SPMIP8: variants seen among roughly 807,000 people sequenced by gnomAD.
SPMIP8 encodes the protein testicular tissue protein Li 196.
the SPMIP8 span, chr16:57,977,977 G>A: frequency 6.2e-7 from 1 of 1,614,054 alleles, no homozygotes; most frequent in East Asian, 2.2e-5. Context: ...CACATGGACA[G>A]GGACACCGTC....
the SPMIP8 span, among the ~76,000 whole-genome samples, chr16:57,979,661 C>T: frequency 1.3e-5 from 2 of 151,512 alleles, no homozygotes; most frequent in East Asian, 3.9e-4. Flanking sequence ...AGGTAACCAC[C>T]CCCCCACCAC....
At chr16:57,978,183 T>A in the SPMIP8 span, 1 of 850,820 alleles carries the variant, frequency 1.2e-6, no homozygotes, top group Non-Finnish European at 1.8e-6. Context: ...AGCCTCTGTT[T>A]ACTGCTCAGT....
the SPMIP8 span, chr16:57,985,243 GCCCGACGTGAC>G: frequency 6.4e-7 from 1 of 1,557,896 alleles, no homozygotes; most frequent in South Asian, 1.2e-5. Flanking sequence ...GGTACTTGAA[GCCCGACGTGAC>G]CCAGACCTGG....
chr16:57,979,418 G>A, the SPMIP8 span, among the ~76,000 whole-genome samples: 4 of 152,308 alleles, frequency 2.6e-5, no homozygotes, highest in South Asian at 6.2e-4. Flanking sequence ...CGGCAGCCAC[G>A]GGGTTCCCCA....
chr16:57,978,084 G>T, the SPMIP8 span: 5 of 1,569,362 alleles, frequency 3.2e-6, no homozygotes, highest in Non-Finnish European at 4.3e-6. Flanking sequence ...GGGGCAGATG[G>T]TTTCAGGAAA....
the SPMIP8 span, among the ~76,000 whole-genome samples, chr16:57,981,245 G>A: frequency 2.0e-5 from 3 of 151,384 alleles, no homozygotes; most frequent in Admixed American, 2.0e-4. Flanking sequence ...GCCAGGTGTG[G>A]TAGTGTGTGC....
the SPMIP8 span, chr16:57,984,230 G>A: frequency 6.6e-7 from 1 of 1,526,646 alleles, no homozygotes; most frequent in Non-Finnish European, 9.1e-7. Flanking sequence ...GTACAGTGTG[G>A]GCCAAAGTTC....
the SPMIP8 span, among the ~76,000 whole-genome samples, chr16:57,980,814 C>T: frequency 1.4e-3 from 215 of 152,314 alleles, no homozygotes; most frequent in African/African-American, 4.9e-3. Flanking sequence ...GCCACTTCAG[C>T]CTCCTGAGTA....
At chr16:57,977,128 C>A in the SPMIP8 span, among the ~76,000 whole-genome samples, 1 of 151,944 alleles carries the variant, frequency 6.6e-6, no homozygotes, top group Admixed American at 6.6e-5. Flanking sequence ...AGAATAGACT[C>A]GCCAGGCAAG....
the SPMIP8 span, chr16:57,984,518 C>T: frequency 6.6e-7 from 1 of 1,505,598 alleles, no homozygotes; most frequent in Non-Finnish European, 9.0e-7. Context: ...CTTCGGGCGC[C>T]CCCTCGGTCC....
At chr16:57,982,517 A>C in the SPMIP8 span, among the ~76,000 whole-genome samples, 3 of 152,176 alleles carry the variant, frequency 2.0e-5, no homozygotes, top group African/African-American at 7.2e-5. Context: ...TTTTCTGTAA[A>C]CCAGCAGCTA....
At chr16:57,986,075 G>A in the SPMIP8 span, 1 of 1,147,210 alleles carries the variant, frequency 8.7e-7, no homozygotes. Flanking sequence ...GCCCTCCTGG[G>A]AGGGCGCGAG....
chr16:57,985,005 G>C, the SPMIP8 span, among the ~76,000 whole-genome samples: 1 of 152,212 alleles, frequency 6.6e-6, no homozygotes, highest in Non-Finnish European at 1.5e-5. Context: ...CTGCCCTTGG[G>C]GAGGGGGCGG....
chr16:57,985,821 G>A, the SPMIP8 span: 3 of 1,492,726 alleles, frequency 2.0e-6, no homozygotes, highest in Non-Finnish European at 2.7e-6. Flanking sequence ...GGATGGCGGG[G>A]AGAGGGGGTG....
chr16:57,979,069 T>C, the SPMIP8 span, among the ~76,000 whole-genome samples: 2 of 152,232 alleles, frequency 1.3e-5, no homozygotes, highest in African/African-American at 4.8e-5. Context: ...GGAAGACGTG[T>C]GGGCCTTCAG....
At chr16:57,985,436 G>A in the SPMIP8 span, 91 of 1,613,458 alleles carry the variant, frequency 5.6e-5, no homozygotes, top group East Asian at 1.9e-3. Context: ...CAGGGCGTCC[G>A]TGCTCCCCCG....
At chr16:57,977,960 C>A in the SPMIP8 span, 1 of 1,614,192 alleles carries the variant, frequency 6.2e-7, no homozygotes, top group Admixed American at 1.7e-5. Flanking sequence ...CCCTGCCCAC[C>A]CTGCGCCACA....
chr16:57,985,375 C>G, the SPMIP8 span: 1 of 1,597,546 alleles, frequency 6.3e-7, no homozygotes, highest in Non-Finnish European at 8.5e-7. Context: ...GCAGGGCCTC[C>G]CAGTCTTCAG....
At chr16:57,985,216 C>T in the SPMIP8 span, 19 of 1,543,538 alleles carry the variant, frequency 1.2e-5, no homozygotes, top group East Asian at 2.3e-5. Flanking sequence ...CGGAGGGTCT[C>T]AGCGGCTACG....
Sources: gnomAD v4.1 joint callset for allele counts (sites outside exome capture counted in the v4.1 genomes callset) on GRCh38, gnomAD v4.1.1 for gene constraint, MANE v1.5 for transcripts, NCBI Gene and HGNC (gene_info 2026-07-23, HGNC 2026-07-21) for gene names.